The following CEP89 variants were observed in gnomAD, a reference collection of about 807,000 sequenced individuals.
CEP89 encodes the protein centrosomal protein 89.
In CEP89, 95 loss-of-function variants were observed where a neutral mutation model predicts 97.6. The observed-to-expected ratio is 0.97, with a 90% confidence interval of 0.82 to 1.15. The LOEUF (loss-of-function observed/expected upper bound fraction) is 1.15, where lower values mean the gene tolerates loss of function less well. Ranked by LOEUF, CEP89 falls within the 50% of genes most tolerant of loss-of-function variation. The pLI is 0.00. For synonymous variants in CEP89, 354 were observed against 349.1 expected (o/e 1.01, Z -0.16); for missense variants, 869 against 947.7 (o/e 0.92, Z 1.09).
intron 14 of CEP89, among the ~76,000 whole-genome samples, chr19:32,902,736 G>T (rs1969807356): frequency 6.6e-6 from 1 of 152,178 alleles, no homozygotes; most frequent in Non-Finnish European, 1.5e-5. Context: ...AGGGCAGAGG[G>T]CGTTTCACGG....
intron 3 of CEP89, among the ~76,000 whole-genome samples, chr19:32,957,110 G>A (rs900782292): frequency 6.6e-6 from 1 of 152,150 alleles, no homozygotes; most frequent in Non-Finnish European, 1.5e-5. Context: ...GGGCACCTCT[G>A]TATCACTCAA....
chr19:32,958,095 G>A (rs928871755), intron 3 of CEP89, among the ~76,000 whole-genome samples: 6 of 150,730 alleles, frequency 4.0e-5, no homozygotes, highest in East Asian at 3.9e-4. Context: ...ATGGTCTTAC[G>A]TGCTTATTTT....
intron 12 of CEP89, among the ~76,000 whole-genome samples, chr19:32,919,079 G>T (rs1443496335): frequency 6.6e-6 from 1 of 151,708 alleles, no homozygotes; most frequent in African/African-American, 2.4e-5. Flanking sequence ...TAGAAACAGG[G>T]TTTCACCATG....
At chr19:32,950,784 T>A (rs1173007099) in intron 4 of CEP89, among the ~76,000 whole-genome samples, 2 of 152,176 alleles carry the variant, frequency 1.3e-5, no homozygotes, top group African/African-American at 2.4e-5. Flanking sequence ...CAATTAAGTC[T>A]CTGTCATCAG....
intron 2 of CEP89, among the ~76,000 whole-genome samples, chr19:32,961,306 C>T (rs1271749537): frequency 6.6e-6 from 1 of 151,702 alleles, no homozygotes; most frequent in East Asian, 1.9e-4. Context: ...CACAGTGGCT[C>T]ACATCTGTAA....
At chr19:32,952,903 C>CAAAAAAAAAAAAAAAAA (rs34455504) in intron 4 of CEP89, among the ~76,000 whole-genome samples, 3 of 48,684 alleles carry the variant, frequency 6.2e-5, no homozygotes, top group Non-Finnish European at 1.1e-4. Flanking sequence ...GACTCTGTCT[C>CAAAAAAAAAAAAAAAAA]AAAAAAAAAA....
At chr19:32,934,480 C>T (rs926340097) in intron 7 of CEP89, among the ~76,000 whole-genome samples, 35 of 152,288 alleles carry the variant, frequency 2.3e-4, no homozygotes, top group African/African-American at 8.4e-4. Context: ...CTCCCATGGG[C>T]CCTGGCCAGC....
chr19:32,910,914 A>G (rs186482161), intron 14 of CEP89, among the ~76,000 whole-genome samples: 129 of 152,352 alleles, frequency 8.5e-4, no homozygotes, highest in African/African-American at 3.0e-3. Context: ...TTATTTTGTT[A>G]TAAGTAGAAG....
chr19:32,946,094 GTTATTA>G (rs1421241024), intron 5 of CEP89, among the ~76,000 whole-genome samples: 4 of 152,110 alleles, frequency 2.6e-5, no homozygotes, highest in African/African-American at 7.2e-5. Flanking sequence ...CAATCCTGTT[GTTATTA>G]TTATTATTAT....
chr19:32,970,080 G>C (rs928688451), intron 1 of CEP89: 4 of 152,254 alleles, frequency 2.6e-5, no homozygotes, highest in African/African-American at 7.2e-5. Context: ...AGCACTCAGC[G>C]TGGGCTTCCA....
At chr19:32,903,848 T>C (rs761495149) in intron 14 of CEP89, among the ~76,000 whole-genome samples, 10 of 152,194 alleles carry the variant, frequency 6.6e-5, no homozygotes, top group Admixed American at 2.6e-4. Context: ...AGAAGCTTAA[T>C]GAACTTCATG....
chr19:32,958,021 C>T (rs1971086121), intron 3 of CEP89, among the ~76,000 whole-genome samples: 1 of 150,518 alleles, frequency 6.6e-6, no homozygotes, highest in South Asian at 2.1e-4. Flanking sequence ...AATCCCCCCC[C>T]CGCCAAAAAA....
chr19:32,950,755 A>C (rs551175899), intron 4 of CEP89, among the ~76,000 whole-genome samples: 1 of 152,332 alleles, frequency 6.6e-6, no homozygotes, highest in Non-Finnish European at 1.5e-5. Context: ...CACTATTCCT[A>C]AGAGTCCCAA....
chr19:32,951,534 T>TATATATACACAC (rs1407110112), intron 4 of CEP89, among the ~76,000 whole-genome samples: 272 of 122,006 alleles, frequency 2.2e-3, no homozygotes, highest in African/African-American at 8.7e-3. Flanking sequence ...TATATATATA[T>TATATATACACAC]ACACACACAC....
chr19:32,971,156 G>A (rs772896710), intron 1 of CEP89: 1 of 214,284 alleles, frequency 4.7e-6, no homozygotes, highest in Non-Finnish European at 9.2e-6. Context: ...AGATGCTGGA[G>A]GCCGGGGTGT....
intron 12 of CEP89, among the ~76,000 whole-genome samples, chr19:32,919,911 G>A (rs1399121414): frequency 1.3e-5 from 2 of 152,032 alleles, no homozygotes; most frequent in Non-Finnish European, 2.9e-5. Context: ...CTCCCAAAGT[G>A]CTGGGATTAC....
intron 14 of CEP89, 51 bp downstream of exon 14, chr19:32,915,286 C>T (rs1970097599): frequency 2.0e-6 from 3 of 1,473,330 alleles, no homozygotes; most frequent in African/African-American, 1.4e-5. Context: ...TAGCAAGACC[C>T]TGTCTCGAAA....
intron 16 of CEP89, 70 bp from the exon 17 acceptor site, chr19:32,887,911 A>G: frequency 1.1e-6 from 1 of 906,636 alleles, no homozygotes; most frequent in Admixed American, 2.0e-5. Context: ...ATTATTTTGC[A>G]AAGAGTGTTA....
chr19:32,943,394 C>A (rs1448143164), intron 5 of CEP89, among the ~76,000 whole-genome samples: 1 of 152,174 alleles, frequency 6.6e-6, no homozygotes, highest in Non-Finnish European at 1.5e-5. Flanking sequence ...TCACCCATGA[C>A]CATAATCCCT....
Sources: allele counts gnomAD v4.1 joint callset (sites outside exome capture counted in the v4.1 genomes callset), GRCh38; gene constraint gnomAD v4.1.1; transcripts MANE v1.5; gene names NCBI Gene and HGNC (gene_info 2026-07-23, HGNC 2026-07-21).